Variants in NETO1 observed in about 807,000 individuals in gnomAD.
The protein encoded by NETO1 is neuropilin and tolloid-like protein 1.
Under a neutral mutation model 61.3 loss-of-function variants are expected in NETO1, and 26 were observed. That is an observed-to-expected ratio of 0.42 (90% CI 0.31 to 0.59). NETO1 has a LOEUF of 0.59. NETO1 is among the 20% of genes least tolerant of loss of function. The pLI is 0.12. For missense variants in NETO1, 531 were observed against 662.8 expected, an observed-to-expected ratio of 0.80 and a Z score of 2.18; for synonymous variants, 225 against 225.8, an observed-to-expected ratio of 1.00 and a Z score of 0.03.
chr18:72,787,694 A>G (rs2071969173), intron 6 of NETO1, among the ~76,000 whole-genome samples: 1 of 152,204 alleles, frequency 6.6e-6, no homozygotes, highest in South Asian at 2.1e-4. Context: ...TGAAGTTTAT[A>G]AAAATTAAGT....
chr18:72,853,555 C>T (rs2074322250), intron 4 of NETO1, among the ~76,000 whole-genome samples: 3 of 151,992 alleles, frequency 2.0e-5, no homozygotes, highest in African/African-American at 7.3e-5. Flanking sequence ...GCCAGGAGTT[C>T]AAGACTGGTC....
intron 7 of NETO1, among the ~76,000 whole-genome samples, chr18:72,772,364 A>G (rs926493312): frequency 7.2e-5 from 11 of 152,082 alleles, no homozygotes; most frequent in African/African-American, 2.7e-4. Context: ...TGACCCCATG[A>G]CATAAAGTTC....
intron 4 of NETO1, among the ~76,000 whole-genome samples, chr18:72,814,981 A>T (rs554852719): frequency 1.6e-4 from 24 of 152,248 alleles, no homozygotes; most frequent in African/African-American, 5.5e-4. Flanking sequence ...TATTATAAAA[A>T]TACTACAAAA....
At chr18:72,823,052 A>G (rs1250089987) in intron 4 of NETO1, among the ~76,000 whole-genome samples, 3 of 152,162 alleles carry the variant, frequency 2.0e-5, no homozygotes, top group African/African-American at 7.2e-5. Context: ...CGCTTACATT[A>G]CTTTTACAAG....
intron 7 of NETO1, among the ~76,000 whole-genome samples, chr18:72,782,402 A>G (rs1172014285): frequency 6.6e-6 from 1 of 152,176 alleles, no homozygotes; most frequent in African/African-American, 2.4e-5. Flanking sequence ...GTTTTGCCAA[A>G]CTGCTTTCCA....
intron 3 of NETO1, among the ~76,000 whole-genome samples, chr18:72,860,016 A>T (rs1422670447): frequency 2.0e-5 from 3 of 152,128 alleles, no homozygotes; most frequent in African/African-American, 7.2e-5. Flanking sequence ...GGAAAGCTTT[A>T]TAGGGCTGGC....
chr18:72,744,412 A>G lies in NETO1; in HGVS notation c.*3767T>C, dbSNP rs1358384343. 6.6e-6 allele frequency: 1 copy of G among 152,194 alleles called. No individual in the cohort carries two copies. Among genetic ancestry groups the G allele is most frequent in the Non-Finnish European group, 1.5e-5 (1 of 68,026 alleles). 9.4% of individuals were successfully genotyped at this position (152,194 alleles called of 1,614,324 possible). The stretch of plus-strand genomic sequence containing the variant: ...ATTTTTCTACCTTATTACACCTTTA[A>G]GATGGGCTTGGGAAATATTAATTAA... On this transcript the variant is annotated 3_prime_UTR_variant, in exon 11 of 11. Coordinates refer to ENST00000327305, the MANE Select transcript of NETO1 (RefSeq NM_138966.5).
chr18:72,812,203 T>G (rs2072890420), intron 4 of NETO1, among the ~76,000 whole-genome samples: 1 of 152,238 alleles, frequency 6.6e-6, no homozygotes, highest in African/African-American at 2.4e-5. Context: ...CGAAAGATTA[T>G]AAAGTGACTC....
chr18:72,785,280 A>C (rs1279301003), intron 6 of NETO1, among the ~76,000 whole-genome samples: 1 of 152,130 alleles, frequency 6.6e-6, no homozygotes, highest in Non-Finnish European at 1.5e-5. Context: ...TAAATATTAT[A>C]ATCTCACTAT....
intron 4 of NETO1, among the ~76,000 whole-genome samples, chr18:72,827,641 C>G (rs1011364831): frequency 4.1e-5 from 6 of 147,332 alleles, no homozygotes; most frequent in African/African-American, 1.3e-4. Flanking sequence ...AGCTGAGACT[C>G]AGAGGTCGAG....
At chr18:72,831,987 C>T (rs559564113) in intron 4 of NETO1, among the ~76,000 whole-genome samples, 1 of 151,610 alleles carries the variant, frequency 6.6e-6, no homozygotes, top group East Asian at 1.9e-4. Flanking sequence ...GTTAAAGGCC[C>T]TTACTTCCTT....
chr18:72,790,813 C>T (rs990283059), intron 6 of NETO1, among the ~76,000 whole-genome samples: 2 of 151,892 alleles, frequency 1.3e-5, no homozygotes, highest in South Asian at 2.1e-4. Flanking sequence ...AGAAATAATC[C>T]GTTTATTTAT....
At position 72,865,249 on chromosome 18, in the gene NETO1, A is replaced by G. The variant is rs1232653879; in HGVS notation, c.29-8T>C. ...TGATTAAACTTGCTACAACTGAAAC[A>G]GAAAAGAAAAATTAGAGATAAAATA... On this transcript the variant is annotated splice_polypyrimidine_tract_variant and splice_region_variant and intron_variant, in intron 1 of 10. Coordinates refer to ENST00000327305, the MANE Select transcript of NETO1 (RefSeq NM_138966.5). 1.9e-6 allele frequency: 3 copies of G among 1,607,014 alleles called. No homozygotes were observed. Among genetic ancestry groups the G allele is most frequent in the Non-Finnish European group, 2.6e-6 (3 of 1,174,832 alleles).
At chr18:72,760,330 C>T (rs9956509) in intron 7 of NETO1, among the ~76,000 whole-genome samples, 4,260 of 152,256 alleles carry the variant, frequency 0.028, 146 homozygotes, top group East Asian at 0.1. Flanking sequence ...TACACCAATA[C>T]ATATGCATTT....
Position 72,830,450 on chromosome 18 carries a change from G to A in NETO1, c.469+28376C>T, listed in dbSNP as rs535144388. 1.3e-5 allele frequency among the ~76,000 whole-genome samples: 2 copies of A among 152,216 alleles called. No homozygotes were observed. The highest frequency in any genetic ancestry group is 3.9e-4 in the East Asian group (2 of 5,164). The stretch of plus-strand genomic sequence containing the variant: ...ATCACCTTTGCTGGGCGGTGAAAGG[G>A]ACCAGGGCATCTAAACAAGGAGTCC... On this transcript the variant is annotated intron_variant, in intron 4 of 10. Transcript: ENST00000327305. The surrounding 1 kb of genome is among the most constrained non-coding windows in gnomAD (Gnocchi z 4.9).
intron 6 of NETO1, among the ~76,000 whole-genome samples, chr18:72,787,405 G>T (rs1043954750): frequency 6.6e-6 from 1 of 151,808 alleles, no homozygotes; most frequent in Non-Finnish European, 1.5e-5. Flanking sequence ...AAGCCCACGG[G>T]ATGAAAAATA....
At chr18:72,760,842 T>C (rs1394905909) in intron 7 of NETO1, among the ~76,000 whole-genome samples, 1 of 152,164 alleles carries the variant, frequency 6.6e-6, no homozygotes, top group Non-Finnish European at 1.5e-5. Flanking sequence ...TACGTGATCT[T>C]GAGCAAATTC....
chr18:72,865,312 T>G, intron 1 of NETO1, 71 bp from the exon 2 acceptor site: 1 of 1,310,334 alleles, frequency 7.6e-7, no homozygotes, highest in Non-Finnish European at 1.1e-6. Flanking sequence ...CATAACATAA[T>G]TTCAAGATAA....
chr18:72,749,896 T>C (rs1056931766), intron 9 of NETO1, among the ~76,000 whole-genome samples, 166 bp downstream of exon 9: 3 of 152,058 alleles, frequency 2.0e-5, no homozygotes. Flanking sequence ...AGGAAGAATA[T>C]GGATAGCAGT....
Sources: gnomAD v4.1 joint callset for allele counts (sites outside exome capture counted in the v4.1 genomes callset) on GRCh38, gnomAD v4.1.1 for gene constraint, Gnocchi (gnomAD v3.1) non-coding constraint, MANE v1.5 for transcripts, NCBI Gene and HGNC (gene_info 2026-07-23, HGNC 2026-07-21) for gene names.